The following ROBO1 variants were observed in gnomAD, a reference collection of about 807,000 sequenced individuals.
The protein encoded by ROBO1 is roundabout homolog 1.
Under a neutral mutation model 195.9 loss-of-function variants are expected in ROBO1, and 149 were observed. The observed-to-expected ratio is 0.76, with a 90% confidence interval of 0.67 to 0.87. The LOEUF is 0.87. Among genes scored for constraint, ROBO1 ranks in the 40% least tolerant of loss-of-function variants. The pLI is 0.00. For synonymous variants in ROBO1, 816 were observed against 733.2 expected, an observed-to-expected ratio of 1.11 and a Z score of -1.82; for missense variants, 1,933 against 2,068.3, an observed-to-expected ratio of 0.93 and a Z score of 1.27.
At position 79,611,029 on chromosome 3, in the gene ROBO1, T is replaced by G. The variant is rs547218046; in HGVS notation, c.-50-21068A>C. On this transcript the variant is annotated intron_variant, in intron 1 of 30. Coordinates refer to ENST00000464233, the MANE Select transcript of ROBO1 (RefSeq NM_002941.4). ...GCACTTGAGGCTGATCAAATATGAA[T>G]GGATGTACCATTTTGTAATAAACTC... is the stretch of plus-strand genomic sequence containing the variant. 5.3e-5 allele frequency among the ~76,000 whole-genome samples: 8 copies of G among 152,164 alleles called. 1 individual carries two copies. Among genetic ancestry groups the G allele is most frequent in the African/African-American group, 1.9e-4 (8 of 41,550 alleles).
At chr3:79,535,954 G>A (rs930409265) in intron 2 of ROBO1, among the ~76,000 whole-genome samples, 17 of 151,842 alleles carry the variant, frequency 1.1e-4, no homozygotes, top group African/African-American at 3.6e-4. Context: ...AATTTTTAAT[G>A]CACTGAGATT....
At chr3:79,364,128 C>T (rs1179094737) in intron 2 of ROBO1, among the ~76,000 whole-genome samples, 8 of 151,008 alleles carry the variant, frequency 5.3e-5, no homozygotes, top group Non-Finnish European at 5.9e-5. Context: ...GGCGTGAACC[C>T]GGGAGGCGGA....
At chr3:79,239,977 A>G (rs1430829781) in intron 2 of ROBO1, among the ~76,000 whole-genome samples, 1 of 152,160 alleles carries the variant, frequency 6.6e-6, no homozygotes, top group Non-Finnish European at 1.5e-5. Context: ...AGCATGTGGT[A>G]TATATTGTGG....
At chr3:78,797,351 T>C (rs1296187332) in intron 4 of ROBO1, among the ~76,000 whole-genome samples, 1 of 152,216 alleles carries the variant, frequency 6.6e-6, no homozygotes, top group Non-Finnish European at 1.5e-5. Flanking sequence ...CTCAGTTATT[T>C]TGAATTAGTC....
Position 79,022,145 on chromosome 3 carries a change from A to T in ROBO1, c.173-83218T>A, listed in dbSNP as rs559831525. ...GGTAAAGATGGCATGCAAAGACAAG[A>T]ACGTGTATTCAGAAGGCATTACGGA... On this transcript the variant is annotated intron_variant, in intron 3 of 30. Coordinates refer to ENST00000464233, the MANE Select transcript of ROBO1 (RefSeq NM_002941.4). Among the ~76,000 whole-genome samples, 4 of 152,332 alleles carry T rather than the reference A, an allele frequency of 2.6e-5. No individual in the cohort carries two copies. In the East Asian group the frequency reaches 5.8e-4, roughly 22 times the overall value.
intron 2 of ROBO1, among the ~76,000 whole-genome samples, chr3:79,503,025 A>C (rs895819128): frequency 2.6e-5 from 4 of 152,172 alleles, no homozygotes; most frequent in Admixed American, 6.5e-5. Context: ...AGGCTGCGTG[A>C]GCTAACAGTG....
intron 4 of ROBO1, among the ~76,000 whole-genome samples, chr3:78,773,345 T>A (rs1344172293): frequency 1.3e-5 from 2 of 152,112 alleles, no homozygotes; most frequent in Non-Finnish European, 2.9e-5. Flanking sequence ...AAGGAATGCA[T>A]TGTTATCCTA....
intron 1 of ROBO1, among the ~76,000 whole-genome samples, chr3:79,620,072 C>G (rs1944956391): frequency 6.6e-6 from 1 of 152,232 alleles, no homozygotes; most frequent in Admixed American, 6.5e-5. Flanking sequence ...AGGAACTCCT[C>G]CCTCAAGATC....
At chr3:78,884,565 G>A (rs987677303) in intron 4 of ROBO1, among the ~76,000 whole-genome samples, 2 of 150,030 alleles carry the variant, frequency 1.3e-5, no homozygotes, top group Non-Finnish European at 3.0e-5. Context: ...AAGAGAGAAA[G>A]AGAGAAAGAA....
chr3:79,031,164 A>G (rs76061621), intron 3 of ROBO1, among the ~76,000 whole-genome samples: 61 of 152,338 alleles, frequency 4.0e-4, no homozygotes, highest in African/African-American at 1.4e-3. Context: ...AAACATTTAT[A>G]TGGTGATAAT....
At chr3:79,636,080 G>T (rs1363828046) in intron 1 of ROBO1, among the ~76,000 whole-genome samples, 2 of 152,066 alleles carry the variant, frequency 1.3e-5, no homozygotes, top group Non-Finnish European at 2.9e-5. Context: ...TAGAAATGGA[G>T]ATCATTTAGA....
intron 2 of ROBO1, among the ~76,000 whole-genome samples, chr3:79,280,581 T>C (rs1463343513): frequency 6.6e-6 from 1 of 152,164 alleles, no homozygotes; most frequent in Admixed American, 6.5e-5. Context: ...CATTGTATTC[T>C]CTTCCTTTTC....
intron 5 of ROBO1, among the ~76,000 whole-genome samples, chr3:78,728,116 T>C (rs1261528587): frequency 6.6e-6 from 1 of 152,214 alleles, no homozygotes; most frequent in Non-Finnish European, 1.5e-5. Context: ...AGCTATTGAT[T>C]CTTGCTTCAT....
intron 3 of ROBO1, among the ~76,000 whole-genome samples, chr3:79,010,640 T>A (rs2077754249): frequency 6.6e-6 from 1 of 152,146 alleles, no homozygotes; most frequent in Non-Finnish European, 1.5e-5. Context: ...TTTATCTATA[T>A]CTACATATAG....
At position 79,231,941 on chromosome 3, in the gene ROBO1, A is replaced by G. The variant is rs1374981542; in HGVS notation, c.89-106402T>C. ...GACATGGATGGAACTGGGGGCCATT[A>G]TTCTTAGCAAACTAATGCAGAAACA... On this transcript the variant is annotated intron_variant, in intron 2 of 30. Coordinates refer to ENST00000464233, the MANE Select transcript of ROBO1 (RefSeq NM_002941.4). 2.6e-5 allele frequency among the ~76,000 whole-genome samples: 4 copies of G among 152,150 alleles called. No homozygotes were observed. In the East Asian group the frequency reaches 7.7e-4, roughly 29 times the overall value.
At chr3:78,624,109 C>T (rs988149814) in intron 26 of ROBO1, among the ~76,000 whole-genome samples, 3 of 151,892 alleles carry the variant, frequency 2.0e-5, no homozygotes, top group Non-Finnish European at 4.4e-5. Context: ...AAGATAACAA[C>T]GTGAAAAAAT....
At chr3:79,460,716 C>T (rs1937603875) in intron 2 of ROBO1, among the ~76,000 whole-genome samples, 2 of 151,998 alleles carry the variant, frequency 1.3e-5, no homozygotes, top group Non-Finnish European at 2.9e-5. Context: ...CTTTGATTTC[C>T]CTAGCATGTT....
chr3:78,688,824 C>T, intron 8 of ROBO1, 52 bp from the exon 9 acceptor site: 1 of 1,534,864 alleles, frequency 6.5e-7, no homozygotes, highest in Non-Finnish European at 8.8e-7. Context: ...TGTTATTGTC[C>T]TAATTGAGAC....
At chr3:79,756,274 G>A (rs2107499402) in intron 1 of ROBO1, among the ~76,000 whole-genome samples, 1 of 152,140 alleles carries the variant, frequency 6.6e-6, no homozygotes, top group South Asian at 2.1e-4. Flanking sequence ...ATATTGGGCT[G>A]GGTGCGGTGG....
Sources: allele counts gnomAD v4.1 joint callset (sites outside exome capture counted in the v4.1 genomes callset), GRCh38; gene constraint gnomAD v4.1.1; transcripts MANE v1.5; gene names NCBI Gene and HGNC (gene_info 2026-07-23, HGNC 2026-07-21).